The following ITPR1 variants were observed in gnomAD, a reference collection of about 807,000 sequenced individuals.
ITPR1 encodes the protein inositol 1,4,5-trisphosphate-gated calcium channel ITPR1.
A neutral mutation model predicts 318.4 loss-of-function variants in ITPR1; 96 were observed. The ratio of observed to expected loss-of-function variants is 0.30; its 90% confidence interval spans 0.26 to 0.36. The LOEUF is 0.36. Among genes scored for constraint, ITPR1 ranks in the 10% least tolerant of loss-of-function variants. The probability of loss-of-function intolerance (pLI) is 1.00; values close to 1 mark genes in which losing one functional copy is unlikely to be tolerated. For synonymous variants in ITPR1, 1,312 were observed against 1,289.9 expected, an observed-to-expected ratio of 1.02 and a Z score of -0.37; for missense variants, 2,440 against 3,460.2, an observed-to-expected ratio of 0.71 and a Z score of 7.40.
chr3:4,752,069 A>G (rs1277436806), intron 44 of ITPR1, among the ~76,000 whole-genome samples: 1 of 152,218 alleles, frequency 6.6e-6, no homozygotes, highest in Non-Finnish European at 1.5e-5. Context: ...TGGCTCTGAC[A>G]CTGAAGGGGA....
intron 44 of ITPR1, among the ~76,000 whole-genome samples, chr3:4,761,242 T>C (rs1420020102): frequency 1.3e-5 from 2 of 152,224 alleles, no homozygotes; most frequent in Non-Finnish European, 2.9e-5. Context: ...GTGAACATTG[T>C]ACCCAAGAGT....
At chr3:4,655,308 G>T (rs759753815) in intron 12 of ITPR1, among the ~76,000 whole-genome samples, 5 of 152,132 alleles carry the variant, frequency 3.3e-5, no homozygotes, top group Non-Finnish European at 7.3e-5. Context: ...TTCGGTGAGC[G>T]CTGATGTCCA....
At chr3:4,814,333 T>G in intron 57 of ITPR1, 90 bp from the exon 58 acceptor site, 1 of 1,309,188 alleles carries the variant, frequency 7.6e-7, no homozygotes, top group Non-Finnish European at 1.1e-6. Context: ...GTGTGCCTGG[T>G]GAGATGGCAT....
At chr3:4,814,988 C>T (rs893392722) in intron 58 of ITPR1, 65 bp from the exon 59 acceptor site, 18 of 1,388,826 alleles carry the variant, frequency 1.3e-5, no homozygotes, top group Non-Finnish European at 1.6e-5. Context: ...TGAGCTGTGC[C>T]CCAGGCTCCG....
Position 4,815,196 on chromosome 3 carries a change from G to A in ITPR1, c.7845G>A (p.Leu2615=), listed in dbSNP as rs1215587397. 2.5e-6 allele frequency: 4 copies of A among 1,613,952 alleles called. No individual in the cohort carries two copies. Among genetic ancestry groups the A allele is most frequent in the South Asian group, 1.1e-5 (1 of 91,078 alleles). Residue 2615 remains leucine (L), a synonymous_variant, in exon 59 of 62, where the codon TTG becomes TTA. Coordinates refer to ENST00000649015, the MANE Select transcript of ITPR1 (RefSeq NM_001378452.1). ...RSEKQKKEEI[L]KTTCFICGLE... is the part of the protein sequence containing the mutation. The stretch of plus-strand genomic sequence containing the variant: ...AGAAGCAGAAGAAGGAAGAGATCTT[G>A]AAGACCACGTGCTTTATCTGTGGTG...
intron 4 of ITPR1, among the ~76,000 whole-genome samples, chr3:4,578,215 G>T (rs1451684678): frequency 6.6e-6 from 1 of 152,154 alleles, no homozygotes; most frequent in African/African-American, 2.4e-5. Flanking sequence ...AAAATGGTTT[G>T]ATATGAGGTT....
chr3:4,734,854 G>A (rs1427916403), intron 43 of ITPR1, among the ~76,000 whole-genome samples: 1 of 152,226 alleles, frequency 6.6e-6, no homozygotes, highest in Non-Finnish European at 1.5e-5. Flanking sequence ...ACAAGTAATT[G>A]TGTTTTAATG....
At chr3:4,551,236 A>C (rs2085536344) in intron 4 of ITPR1, among the ~76,000 whole-genome samples, 1 of 152,214 alleles carries the variant, frequency 6.6e-6, no homozygotes, top group Non-Finnish European at 1.5e-5. Context: ...ACAACAACAA[A>C]AAAGACCATC....
intron 55 of ITPR1, among the ~76,000 whole-genome samples, chr3:4,810,315 C>G (rs533917313): frequency 7.9e-5 from 12 of 152,312 alleles, no homozygotes; most frequent in East Asian, 1.9e-4. Flanking sequence ...TCAGAGAGCT[C>G]TCTCCCCACA....
At chr3:4,660,161 T>A (rs1249013778) in intron 13 of ITPR1, among the ~76,000 whole-genome samples, 1 of 152,176 alleles carries the variant, frequency 6.6e-6, no homozygotes, top group African/African-American at 2.4e-5. Flanking sequence ...GGGTTTTAGA[T>A]CTTTGGAATA....
At chr3:4,799,892 T>C (rs1360178782) in intron 53 of ITPR1, 1 of 152,576 alleles carries the variant, frequency 6.6e-6, no homozygotes, top group Admixed American at 6.5e-5. Context: ...TTTGCATACT[T>C]TTAATAGAAA....
At chr3:4,766,506 C>T in intron 44 of ITPR1, 24 bp from the exon 45 acceptor site, 1 of 1,609,526 alleles carries the variant, frequency 6.2e-7, no homozygotes, top group Non-Finnish European at 8.5e-7. Flanking sequence ...ACAGTGTTCA[C>T]AATCTATGGA....
intron 4 of ITPR1, among the ~76,000 whole-genome samples, chr3:4,624,150 T>C (rs760759836): frequency 6.6e-6 from 1 of 152,180 alleles, no homozygotes; most frequent in Non-Finnish European, 1.5e-5. Flanking sequence ...TTTTTGGGAA[T>C]GCATACCACT....
At chr3:4,734,561 A>G (rs2043145229) in intron 43 of ITPR1, among the ~76,000 whole-genome samples, 1 of 152,242 alleles carries the variant, frequency 6.6e-6, no homozygotes, top group African/African-American at 2.4e-5. Context: ...GTCCTTAAAT[A>G]TGTACCTCCC....
chr3:4,693,353 A>G, intron 32 of ITPR1, 137 bp from the exon 33 acceptor site: 2 of 924,618 alleles, frequency 2.2e-6, no homozygotes, highest in South Asian at 3.2e-5. Context: ...ATATAAATGA[A>G]TGAAGTCAAA....
intron 49 of ITPR1, among the ~76,000 whole-genome samples, chr3:4,780,977 T>A (rs2046797213): frequency 6.6e-6 from 1 of 151,848 alleles, no homozygotes; most frequent in South Asian, 2.1e-4. Context: ...ATAGGAGGAG[T>A]CAGGCTTCCT....
chr3:4,569,140 G>A (rs1295199887), intron 4 of ITPR1, among the ~76,000 whole-genome samples: 2 of 152,138 alleles, frequency 1.3e-5, no homozygotes, highest in African/African-American at 4.8e-5. Flanking sequence ...AATGGGGCAG[G>A]TTCTTTGATG....
chr3:4,729,224 C>T (rs2042734138), intron 42 of ITPR1, among the ~76,000 whole-genome samples: 1 of 152,124 alleles, frequency 6.6e-6, no homozygotes, highest in Non-Finnish European at 1.5e-5. Flanking sequence ...GCAAGTTAAC[C>T]TCCCTGTGCC....
At chr3:4,560,965 A>G (rs2086614699) in intron 4 of ITPR1, among the ~76,000 whole-genome samples, 1 of 152,202 alleles carries the variant, frequency 6.6e-6, no homozygotes, top group Admixed American at 6.5e-5. Context: ...ATTGATTTCA[A>G]GATGGCCTTT....
Sources: gnomAD v4.1 joint callset for allele counts (sites outside exome capture counted in the v4.1 genomes callset) on GRCh38, gnomAD v4.1.1 for gene constraint, MANE v1.5 for transcripts, NCBI Gene and HGNC (gene_info 2026-07-23, HGNC 2026-07-21) for gene names.